Variants in SMG1 observed in about 807,000 individuals in gnomAD.
SMG1 encodes serine/threonine-protein kinase SMG1.
Under a neutral mutation model 419.9 loss-of-function variants are expected in SMG1, and 22 were observed. The observed-to-expected ratio is 0.05, with a 90% confidence interval of 0.04 to 0.07. SMG1 has a LOEUF of 0.07. SMG1 is among the 10% of genes least tolerant of loss of function. The pLI is 1.00. For synonymous variants in SMG1, 1,538 were observed against 1,553.5 expected, an observed-to-expected ratio of 0.99 and a Z score of 0.23; for missense variants, 3,185 against 4,342.0, an observed-to-expected ratio of 0.73 and a Z score of 7.49.
rs192240816 is a variant in SMG1 at position 18,870,447 on chromosome 16, C to A, written c.2492+163G>T. Among the ~76,000 whole-genome samples the A allele has an allele frequency of 1.2e-3, 189 of 152,268 alleles. 2 individuals carry two copies. Among genetic ancestry groups the A allele is most frequent in the Non-Finnish European group, 1.5e-4 (10 of 68,030 alleles). ...AAAAATTTTTAATTTTCTTGCAGAC[C>A]TGCAAAATTCGATTATTTGACATCA... On this transcript the variant is annotated intron_variant, in intron 18 of 62. Transcript: ENST00000446231.
At chr16:18,915,820 G>A (rs2037950529) in intron 1 of SMG1, among the ~76,000 whole-genome samples, 2 of 152,070 alleles carry the variant, frequency 1.3e-5, no homozygotes, top group South Asian at 4.1e-4. Flanking sequence ...TGTAATCCCA[G>A]CACTTTGGGA....
In SMG1 at chr16:18,842,421, G is replaced by A. The variant is rs1447716644; in HGVS notation, c.6253C>T (p.Arg2085Cys). The A allele has an allele frequency of 3.7e-6, 6 of 1,613,672 alleles. No individual in the cohort carries two copies. The highest frequency in any genetic ancestry group is 5.1e-6 in the Non-Finnish European group (6 of 1,179,702). Residue 2085 changes from arginine to cysteine, a missense_variant, in exon 40 of 63, where the codon CGT becomes TGT. Around this residue, in one of 27 missense-constraint regions of SMG1, gnomAD observed 159 missense variants for 196.0 expected, o/e 0.81. Transcript: ENST00000446231. The part of the protein sequence containing the change: ...MLSLQQRAQK[R>C]ASYILRLEEI... ...TCAAGACGCAAGATGTAACTTGCAC[G>A]TTTCTGTGCTCTCTGTTGCAAACTT...
chr16:18,872,351 A>G lies in SMG1; in HGVS notation c.2022-6T>C, dbSNP rs982509174. On this transcript the variant is annotated splice_region_variant and splice_polypyrimidine_tract_variant and intron_variant, in intron 14 of 62. Transcript: ENST00000446231. ...TAGAGATAAAGTGATCATGCCTGAAAGACAAAGCACAGATTATCTTTTCAT... is the reference window on the plus strand; with the variant it reads ...TAGAGATAAAGTGATCATGCCTGAAGGACAAAGCACAGATTATCTTTTCAT... 4.5e-6 allele frequency: 7 copies of G among 1,565,528 alleles called. No individual in the cohort carries two copies. In the African/African-American group the frequency reaches 9.6e-5, roughly 22 times the overall value.
chr16:18,845,290 A>C (rs1343582503), intron 39 of SMG1, 139 bp downstream of exon 39: 7 of 666,612 alleles, frequency 1.1e-5, no homozygotes, highest in Non-Finnish European at 1.7e-5. Flanking sequence ...TGTTCCTTAT[A>C]AGCAACTGGC....
chr16:18,864,225 T>C, intron 23 of SMG1, 81 bp from the exon 24 acceptor site: 3 of 1,270,686 alleles, frequency 2.4e-6, no homozygotes, highest in Admixed American at 2.9e-5. Context: ...GATGAAGTTT[T>C]GCTCTTCTTG....
intron 9 of SMG1, among the ~76,000 whole-genome samples, chr16:18,883,576 T>C (rs1361703276): frequency 2.6e-5 from 4 of 152,260 alleles, no homozygotes; most frequent in Non-Finnish European, 5.9e-5. Flanking sequence ...ACGTTTCTTT[T>C]AGTCTCTCCA....
In SMG1 at chr16:18,838,058, C is replaced by G. The variant is rs745945972; in HGVS notation, c.7369G>C (p.Glu2457Gln). Reference protein sequence around the residue: ...SKQSKREMEREITRSLFSSRV... With the variant: ...SKQSKREMERQITRSLFSSRV... ...GAAGAAAACAGGCTGCGGGTGATCT[C>G]TCGCTCCATCTCTCTCTTGCTCTGC... The change falls in exon 45 of 63, where the codon GAG becomes CAG. Residue 2457 changes from glutamate (E) to glutamine (Q), a missense_variant. Glu to Gln is a conservative substitution (Grantham distance 29, BLOSUM62 2). Coordinates refer to ENST00000446231, the MANE Select transcript of SMG1 (RefSeq NM_015092.5). 6.2e-7 allele frequency: 1 copy of G among 1,613,966 alleles called. No individual in the cohort carries two copies. The highest frequency in any genetic ancestry group is 8.5e-7 in the Non-Finnish European group (1 of 1,179,884).
chr16:18,897,706 G>C (rs2037188431), intron 1 of SMG1, among the ~76,000 whole-genome samples: 1 of 152,108 alleles, frequency 6.6e-6, no homozygotes, highest in African/African-American at 2.4e-5. Flanking sequence ...CCTCATCTAA[G>C]TATCTGCTCT....
At chr16:18,828,314 A>T (rs2032905754) in intron 54 of SMG1, 146 bp from the exon 55 acceptor site, 1 of 700,626 alleles carries the variant, frequency 1.4e-6, no homozygotes, top group Non-Finnish European at 2.3e-6. Context: ...AAGTAACAGA[A>T]AAGACACACT....
chr16:18,871,522 AAC>A, intron 15 of SMG1, 40 bp from the exon 16 acceptor site: 1 of 1,115,300 alleles, frequency 9.0e-7, no homozygotes, highest in Non-Finnish European at 1.3e-6. Context: ...CATTAAAAAA[AAC>A]AAAAACCAAA....
At chr16:18,896,720 G>GTA (rs2037142789) in intron 2 of SMG1, 73 bp downstream of exon 2, 1 of 1,087,054 alleles carries the variant, frequency 9.2e-7, no homozygotes, top group Admixed American at 2.0e-5. Flanking sequence ...GAAAGTTGGG[G>GTA]GTATAAGAAG....
At chr16:18,818,918 G>A (rs1265172983) in intron 56 of SMG1, among the ~76,000 whole-genome samples, 1 of 149,026 alleles carries the variant, frequency 6.7e-6, no homozygotes, top group Non-Finnish European at 1.5e-5. Context: ...CCAGGTTCAA[G>A]CGATTCCCCT....
chr16:18,919,655 TATACACACACACACACACACAC>T lies in SMG1; in HGVS notation c.92+6273_92+6294del, dbSNP rs1187549022. Among the ~76,000 whole-genome samples, 9 of 80,034 alleles carry T rather than the reference TATACACACACACACACACACAC, an allele frequency of 1.1e-4. 1 individual carries two copies. Among genetic ancestry groups the T allele is most frequent in the African/African-American group, 4.3e-4 (9 of 20,880 alleles). 52.5% of individuals were successfully genotyped at this position (80,034 alleles called of 152,430 possible). On this transcript the variant is annotated intron_variant, in intron 1 of 62. Transcript: ENST00000446231. ...AAAAATGTGTGTGTGTGTGTGTATA[TATACACACACACACACACACAC>T]ACACACACACACACACACACACAAT...
chr16:18,882,245 A>G lies in SMG1; in HGVS notation c.1213T>C (p.Phe405Leu). The G allele has an allele frequency of 6.2e-7, 1 of 1,610,508 alleles. No homozygotes were observed. Among genetic ancestry groups the G allele is most frequent in the Non-Finnish European group, 8.5e-7 (1 of 1,179,116 alleles). ...LPKLAALLRV[F>L]STVVRSIGER... is the part of the protein sequence containing the mutation. ...CCAATGCTCCTCACCACAGTACTAA[A>G]TACCCGGAGAAGTGCAGCCAGCTTT... Residue 405 changes from phenylalanine (F) to leucine (L), a missense_variant, in exon 10 of 63, where the codon TTT becomes CTT. Coordinates refer to ENST00000446231, the MANE Select transcript of SMG1 (RefSeq NM_015092.5).
rs114806151 is a variant in SMG1, at chr16:18,831,372, T to C, written c.8793-1003A>G. Among the ~76,000 whole-genome samples, 409 of 152,238 alleles carry C rather than the reference T, an allele frequency of 2.7e-3. 4 individuals carry two copies. Among genetic ancestry groups the C allele is most frequent in the Admixed American group, 7.6e-3 (116 of 15,278 alleles). ...GAAACAAGGCACAGACAGGCTGCCA[T>C]AGATCCAGGCACAAAGTTTGTTACC... On this transcript the variant is annotated intron_variant, in intron 51 of 62. Coordinates refer to ENST00000446231, the MANE Select transcript of SMG1 (RefSeq NM_015092.5).
At position 18,815,152 on chromosome 16, in the gene SMG1, A is replaced by G. The variant is rs764939519; in HGVS notation, c.10621+23T>C. The G allele has an allele frequency of 5.4e-5, 78 of 1,455,886 alleles. 1 individual carries two copies. The Admixed American group carries it at 1.5e-3, about 28-fold the overall frequency. The allele number at this position is 1,455,886 out of a possible 1,614,324, so 90.2% of individuals were successfully genotyped here. A position where few individuals can be genotyped will look rare whatever the true frequency, so the allele number is the denominator to read the frequency against. ...CTATGTGTAACATTAACAACAGATC[A>G]AGACTCAGGACTCTTCTCCTACCTG... is the stretch of plus-strand genomic sequence containing the variant. On this transcript the variant is annotated intron_variant, in intron 60 of 62. Transcript: ENST00000446231.
chr16:18,882,053 T>C (rs2036422965), intron 10 of SMG1, 112 bp downstream of exon 10: 1 of 701,428 alleles, frequency 1.4e-6, no homozygotes, highest in Non-Finnish European at 2.3e-6. Context: ...CATACATACA[T>C]ACATGCTAAA....
intron 35 of SMG1, 75 bp from the exon 36 acceptor site, chr16:18,849,453 A>C: frequency 7.3e-7 from 1 of 1,374,160 alleles, no homozygotes; most frequent in Non-Finnish European, 1.0e-6. Flanking sequence ...TCGTAGATCA[A>C]ACAGATAAAA....
At chr16:18,813,095 G>T (rs962595606) in intron 60 of SMG1, among the ~76,000 whole-genome samples, 1 of 152,070 alleles carries the variant, frequency 6.6e-6, no homozygotes, top group African/African-American at 2.4e-5. Flanking sequence ...TTGGTTCCAA[G>T]TCTTTGCTAT....
Sources: gnomAD v4.1 joint callset for allele counts (sites outside exome capture counted in the v4.1 genomes callset) on GRCh38, gnomAD v4.1.1 for gene constraint, gnomAD v4.1.1 regional missense constraint, MANE v1.5 for transcripts, NCBI Gene and HGNC (gene_info 2026-07-23, HGNC 2026-07-21) for gene names.